Variants in ARHGAP8 observed in about 807,000 individuals in gnomAD.
ARHGAP8 encodes Rho GTPase activating protein 8.
A neutral mutation model predicts 46.1 loss-of-function variants in ARHGAP8; 62 were observed. That is an observed-to-expected ratio of 1.34 (90% CI 1.10 to 1.66). The LOEUF is 1.66. ARHGAP8 is among the 40% of genes most tolerant of loss of function. The pLI is 0.00. For synonymous variants in ARHGAP8, 375 were observed against 243.1 expected, an observed-to-expected ratio of 1.54 and a Z score of -5.05; for missense variants, 923 against 568.4, an observed-to-expected ratio of 1.62 and a Z score of -6.34.
chr22:44,764,750 G>A (rs140535121), intron 1 of ARHGAP8, among the ~76,000 whole-genome samples: 100 of 152,342 alleles, frequency 6.6e-4, no homozygotes, highest in African/African-American at 2.2e-3. Context: ...CTGAGTGTGC[G>A]GAAAAGTCCT....
intron 1 of ARHGAP8, among the ~76,000 whole-genome samples, chr22:44,757,281 T>C (rs1047681447): frequency 5.4e-5 from 7 of 129,528 alleles, no homozygotes; most frequent in African/African-American, 2.1e-4. Context: ...AATATTTAAT[T>C]TTTTTTTTTT....
chr22:44,786,407 C>T lies in ARHGAP8; in HGVS notation c.-71-50C>T, dbSNP rs375110778. On this transcript the variant is annotated intron_variant, in intron 1 of 11. Transcript: ENST00000356099. ...AAGGCATCAGGAGGCTCCCTCATTC[C>T]CCGCCTTACTGGAGAATGCACTGAC... The T allele has an allele frequency of 1.2e-3, 1,791 of 1,539,908 alleles. 2 individuals carry two copies. Among genetic ancestry groups the T allele is most frequent in the Non-Finnish European group, 1.5e-3 (1,665 of 1,140,672 alleles).
chr22:44,811,793 C>G (rs982452663), intron 4 of ARHGAP8, among the ~76,000 whole-genome samples: 1 of 152,008 alleles, frequency 6.6e-6, no homozygotes, highest in Non-Finnish European at 1.5e-5. Context: ...GTCAGGATTT[C>G]GAGACCAGTC....
At chr22:44,788,043 A>C (rs916454866) in intron 2 of ARHGAP8, among the ~76,000 whole-genome samples, 3 of 149,268 alleles carry the variant, frequency 2.0e-5, no homozygotes, top group Non-Finnish European at 4.4e-5. Context: ...CAACAGAAGG[A>C]AGGCAGGAAA....
intron 4 of ARHGAP8, among the ~76,000 whole-genome samples, chr22:44,814,423 CAG>C (rs2147102593): frequency 6.6e-6 from 1 of 152,300 alleles, no homozygotes; most frequent in South Asian, 2.1e-4. Context: ...CGCCTATAAA[CAG>C]GGCTCCGACT....
At chr22:44,779,490 C>G (rs1022658584) in intron 1 of ARHGAP8, among the ~76,000 whole-genome samples, 1 of 151,888 alleles carries the variant, frequency 6.6e-6, no homozygotes, top group Non-Finnish European at 1.5e-5. Context: ...TGTAACATCC[C>G]GCTGTAGGAC....
At chr22:44,848,130 G>A (rs2070005537) in intron 9 of ARHGAP8, 80 bp downstream of exon 9, 5 of 1,556,380 alleles carry the variant, frequency 3.2e-6, no homozygotes, top group Non-Finnish European at 4.3e-6. Context: ...GCGGAGGCAG[G>A]GAAGCACCGC....
chr22:44,856,751 T>A (rs768733473), intron 10 of ARHGAP8, among the ~76,000 whole-genome samples: 4 of 143,860 alleles, frequency 2.8e-5, no homozygotes, highest in Non-Finnish European at 6.0e-5. Flanking sequence ...AAACAGTGAC[T>A]CTTCCTGGGA....
intron 10 of ARHGAP8, chr22:44,849,601 A>G (rs1336134167): frequency 6.5e-6 from 1 of 153,466 alleles, no homozygotes; most frequent in Non-Finnish European, 1.4e-5. Flanking sequence ...ACACTGGTGA[A>G]TGCTAAGGAA....
intron 11 of ARHGAP8, among the ~76,000 whole-genome samples, chr22:44,860,995 CTCTCCTAAT>C (rs575401115): frequency 7.9e-6 from 1 of 126,288 alleles, no homozygotes; most frequent in Non-Finnish European, 1.8e-5. Flanking sequence ...CAAAACTAAA[CTCTCCTAAT>C]TCTCTCAAAA....
intron 6 of ARHGAP8, 71 bp from the exon 7 acceptor site, chr22:44,825,412 C>T (rs1239735940): frequency 3.3e-6 from 5 of 1,535,808 alleles, no homozygotes; most frequent in Non-Finnish European, 4.4e-6. Flanking sequence ...GGGCATCCAG[C>T]CCCACCCAGC....
intron 9 of ARHGAP8, 40 bp from the exon 10 acceptor site, chr22:44,848,892 C>T (rs777297069): frequency 1.2e-6 from 2 of 1,610,784 alleles, no homozygotes; most frequent in South Asian, 1.1e-5. Context: ...AGTGCCCAGG[C>T]CGGGGTGCAG....
rs752260966 is a variant in ARHGAP8 at position 44,786,435 on chromosome 22, C to T, written c.-71-22C>T. The T allele has an allele frequency of 3.2e-6, 5 of 1,561,076 alleles. No individual in the cohort carries two copies. The Admixed American group carries it at 5.7e-5, about 18-fold the overall frequency. On this transcript the variant is annotated intron_variant, in intron 1 of 11. Transcript: ENST00000356099. ...GCCTTACTGGAGAATGCACTGACTT[C>T]CTTTAATCTTCTTTGCCGCAGAGCT...
chr22:44,822,275 C>A (rs1930206162), intron 5 of ARHGAP8, 96 bp from the exon 6 acceptor site: 2 of 988,650 alleles, frequency 2.0e-6, no homozygotes, highest in Non-Finnish European at 3.0e-6. Flanking sequence ...AAAATGCCTG[C>A]ATTGTTCTGC....
At chr22:44,862,133 A>T in intron 11 of ARHGAP8, 142 bp from the exon 12 acceptor site, 1 of 966,578 alleles carries the variant, frequency 1.0e-6, no homozygotes, top group Non-Finnish European at 1.4e-6. Context: ...GTGGCTGCAC[A>T]GGGTCCCCAT....
intron 10 of ARHGAP8, among the ~76,000 whole-genome samples, chr22:44,858,488 C>G (rs560019578): frequency 4.9e-5 from 7 of 142,966 alleles, no homozygotes; most frequent in African/African-American, 1.9e-4. Flanking sequence ...CAGCTTCAGC[C>G]TCCCATGTAG....
At chr22:44,769,609 A>G (rs1198260687) in intron 1 of ARHGAP8, among the ~76,000 whole-genome samples, 1 of 152,172 alleles carries the variant, frequency 6.6e-6, no homozygotes, top group African/African-American at 2.4e-5. Flanking sequence ...TTCCCTGTAT[A>G]CTTAGATCCC....
intron 1 of ARHGAP8, among the ~76,000 whole-genome samples, chr22:44,777,781 C>T (rs1049244377): frequency 1.7e-4 from 26 of 152,090 alleles, no homozygotes; most frequent in African/African-American, 5.3e-4. Flanking sequence ...CTGCAACCTC[C>T]GCCTCCCGGG....
intron 7 of ARHGAP8, among the ~76,000 whole-genome samples, chr22:44,826,420 T>C (rs1930526815): frequency 6.6e-6 from 1 of 152,182 alleles, no homozygotes; most frequent in South Asian, 2.1e-4. Flanking sequence ...ATTCCTGTTA[T>C]ACTACCTTTT....
Sources: gnomAD v4.1 joint callset for allele counts (sites outside exome capture counted in the v4.1 genomes callset) on GRCh38, gnomAD v4.1.1 for gene constraint, MANE v1.5 for transcripts, NCBI Gene and HGNC (gene_info 2026-07-23, HGNC 2026-07-21) for gene names.